CDH15: variants seen among roughly 807,000 people sequenced by gnomAD.
CDH15 encodes cadherin 15.
A neutral mutation model predicts 69.4 loss-of-function variants in CDH15; 73 were observed. That is an observed-to-expected ratio of 1.05 (90% CI 0.87 to 1.28). The LOEUF (loss-of-function observed/expected upper bound fraction) is 1.28, where lower values mean the gene tolerates loss of function less well. Ranked by LOEUF, CDH15 falls within the 50% of genes most tolerant of loss-of-function variation. The pLI, the probability that CDH15 is intolerant of heterozygous loss-of-function variation, is 0.00. For synonymous variants in CDH15, 624 were observed against 507.7 expected (o/e 1.23, Z -3.08); for missense variants, 1,343 against 1,133.6 (o/e 1.18, Z -2.65).
Position 89,191,908 on chromosome 16 carries a change from A to G in CDH15, c.1615+14A>G. The G allele has an allele frequency of 6.5e-7, 1 of 1,536,930 alleles. No individual in the cohort carries two copies. The highest frequency in any genetic ancestry group is 8.7e-7 in the Non-Finnish European group (1 of 1,147,240). ...GCCAGGTCAACGGTGCGCTCCCCTCACCGCCGCGCTCCCCCCATCCCCACG... is the reference window on the plus strand; with the variant it reads ...GCCAGGTCAACGGTGCGCTCCCCTCGCCGCCGCGCTCCCCCCATCCCCACG... On this transcript the variant is annotated intron_variant, in intron 10 of 13. Transcript: ENST00000289746.
chr16:89,183,917 G>A (rs181631413), intron 4 of CDH15, among the ~76,000 whole-genome samples: 570 of 152,230 alleles, frequency 3.7e-3, no homozygotes, highest in African/African-American at 0.013. Flanking sequence ...TTTTTCAGGG[G>A]TCTTGTTCTC....
intron 8 of CDH15, among the ~76,000 whole-genome samples, chr16:89,191,051 G>A (rs748869287): frequency 4.8e-5 from 7 of 146,488 alleles, no homozygotes; most frequent in Non-Finnish European, 1.1e-4. Context: ...GTGTATAGGT[G>A]TGTGGGGGGT....
chr16:89,181,769 C>G (rs1915381772), intron 3 of CDH15, among the ~76,000 whole-genome samples: 1 of 151,934 alleles, frequency 6.6e-6, no homozygotes, highest in Non-Finnish European at 1.5e-5. Context: ...GAAACCCCGT[C>G]TCTACTAAAA....
At chr16:89,183,280 A>C (rs1294428742) in intron 3 of CDH15, 3 of 487,132 alleles carry the variant, frequency 6.2e-6, no homozygotes, top group African/African-American at 3.9e-5. Context: ...GCCTTACTTT[A>C]GTCACACGTG....
Position 89,191,655 on chromosome 16 carries a change from C to T in CDH15, c.1376C>T (p.Ala459Val). 2 of 1,584,880 alleles carry T rather than the reference C, an allele frequency of 1.3e-6. No individual in the cohort carries two copies. The highest frequency in any genetic ancestry group is 1.7e-6 in the Non-Finnish European group (2 of 1,170,774). ...TAAGCCGCGGCCTCCTCGCCTGCAG[C>T]CTCCCAGCCCCGCACCGCCACCGGC... ...YRAIVLAQDD[A>V]SQPRTATGTL... is the part of the protein sequence containing the mutation. Residue 459 changes from alanine to valine, a missense_variant and splice_region_variant, in exon 10 of 14, where the codon GCC (alanine) becomes GTC (valine). Ala to Val is a moderately conservative substitution (Grantham distance 64). Coordinates refer to ENST00000289746, the MANE Select transcript of CDH15 (RefSeq NM_004933.3).
At chr16:89,179,938 C>G (rs1182232683) in intron 2 of CDH15, among the ~76,000 whole-genome samples, 1 of 152,206 alleles carries the variant, frequency 6.6e-6, no homozygotes, top group Non-Finnish European at 1.5e-5. Flanking sequence ...TTCACATACC[C>G]AAAATCGCCC....
chr16:89,192,292 C>G lies in CDH15; in HGVS notation c.1703C>G (p.Pro568Arg). Residue 568 changes from proline to arginine, a missense_variant, in exon 11 of 14, where the codon CCC (proline) becomes CGC (arginine). Transcript: ENST00000289746. ...SLLLRDSGQP[P>R]QQREQPLNVT... Reference sequence around the variant, plus strand: ...CTGCTCCGGGACTCGGGGCAGCCGCCCCAGCAGCGCGAGCAGCCTCTGAAC... The same window carrying G: ...CTGCTCCGGGACTCGGGGCAGCCGCGCCAGCAGCGCGAGCAGCCTCTGAAC... 1 of 1,532,382 alleles carries G rather than the reference C, an allele frequency of 6.5e-7. No homozygotes were observed. The highest frequency in any genetic ancestry group is 1.4e-5 in the African/African-American group (1 of 72,814). 94.9% of individuals were successfully genotyped at this position (1,532,382 alleles called of 1,614,324 possible). A position where few individuals can be genotyped will look rare whatever the true frequency, so the allele number is the denominator to read the frequency against.
intron 3 of CDH15, among the ~76,000 whole-genome samples, chr16:89,181,017 T>TG (rs1915367568): frequency 6.8e-6 from 1 of 146,390 alleles, no homozygotes; most frequent in African/African-American, 2.5e-5. Context: ...CCGCCCAGGC[T>TG]GGAGTGCAGT....
chr16:89,185,332 A>G lies in CDH15; in HGVS notation c.662A>G (p.Glu221Gly). The change falls in exon 5 of 14, where the codon GAG (glutamate) becomes GGG (glycine). Residue 221 changes from glutamate (E) to glycine (G), a missense_variant and splice_region_variant. By Grantham distance (98) the Glu-to-Gly change is moderately conservative. Transcript: ENST00000289746. Reference sequence around the variant, plus strand: ...ACAGTGCAAGTGGGGCTGGACCGCGAGGTGAGGTGGCGCCCCGGCAGCTCC... The same window carrying G: ...ACAGTGCAAGTGGGGCTGGACCGCGGGGTGAGGTGGCGCCCCGGCAGCTCC... ...IRTVQVGLDREVVAVYNLTLQ... is the reference protein window; with the variant it reads ...IRTVQVGLDRGVVAVYNLTLQ... 1 of 1,599,238 alleles carries G rather than the reference A, an allele frequency of 6.3e-7. No homozygotes were observed. The highest frequency in any genetic ancestry group is 8.5e-7 in the Non-Finnish European group (1 of 1,173,242).
intron 13 of CDH15, 70 bp from the exon 14 acceptor site, chr16:89,194,792 G>T: frequency 6.7e-7 from 1 of 1,484,110 alleles, no homozygotes; most frequent in Non-Finnish European, 9.2e-7. Context: ...TTTGCCCTGG[G>T]CTGTGGCCAC....
intron 1 of CDH15, among the ~76,000 whole-genome samples, chr16:89,172,848 T>C (rs941391480): frequency 6.6e-6 from 1 of 152,170 alleles, no homozygotes; most frequent in Non-Finnish European, 1.5e-5. Flanking sequence ...CGAGAGAGAA[T>C]GCACATAAAG....
In CDH15 at chr16:89,185,234, G is replaced by T; in HGVS notation, c.564G>T (p.Ala188=). ...DADDPETDNA[A]LRFSILQQGS... Reference sequence around the variant, plus strand: ...ACGACCCCGAGACGGACAACGCAGCGCTGCGGTTCTCCATCCTGCAGCAGG... The same window carrying T: ...ACGACCCCGAGACGGACAACGCAGCTCTGCGGTTCTCCATCCTGCAGCAGG... The change falls in exon 5 of 14, where the codon GCG becomes GCT. Residue 188 remains alanine (A), a synonymous_variant. Coordinates refer to ENST00000289746, the MANE Select transcript of CDH15 (RefSeq NM_004933.3). 1 of 1,605,694 alleles carries T rather than the reference G, an allele frequency of 6.2e-7. No individual in the cohort carries two copies. Among genetic ancestry groups the T allele is most frequent in the Non-Finnish European group, 8.5e-7 (1 of 1,176,580 alleles).
chr16:89,194,055 TG>T (rs1483411571), intron 13 of CDH15, 142 bp downstream of exon 13: 2 of 1,033,746 alleles, frequency 1.9e-6, no homozygotes, highest in Non-Finnish European at 2.8e-6. Context: ...CAGAGGAAGA[TG>T]GTGTGCGGGC....
chr16:89,188,500 C>T (rs1259047295), intron 7 of CDH15, among the ~76,000 whole-genome samples: 1 of 141,618 alleles, frequency 7.1e-6, no homozygotes, highest in African/African-American at 2.7e-5. Context: ...ACACAGATGC[C>T]GGCACACACA....
chr16:89,190,753 C>T (rs1915619677), intron 8 of CDH15, among the ~76,000 whole-genome samples: 1 of 152,148 alleles, frequency 6.6e-6, no homozygotes, highest in South Asian at 2.1e-4. Flanking sequence ...TCCCAGGAGG[C>T]CCTTGCTCCC....
chr16:89,190,545 T>C, intron 8 of CDH15, 49 bp downstream of exon 8: 2 of 1,556,362 alleles, frequency 1.3e-6, no homozygotes, highest in South Asian at 1.2e-5. Flanking sequence ...AACGGCCCCA[T>C]TCCTGCTTCG....
chr16:89,186,937 C>T (rs1055775451), intron 5 of CDH15, among the ~76,000 whole-genome samples: 3 of 149,364 alleles, frequency 2.0e-5, no homozygotes, highest in Admixed American at 1.3e-4. Context: ...ACCCAGCACA[C>T]AGTAGGTGCT....
At chr16:89,187,177 C>T (rs1161955677) in intron 5 of CDH15, among the ~76,000 whole-genome samples, 2 of 152,246 alleles carry the variant, frequency 1.3e-5, no homozygotes, top group Non-Finnish European at 2.9e-5. Context: ...ACAGTAGGTG[C>T]TCTGTAAACG....
rs2151602127 is a variant in CDH15 at position 89,187,573 on chromosome 16, C to G, written c.792+16C>G. ...CAGGGATGAGGTGCTGCTGCTGTCCCTCCCTCGAAAGTAGCCCCTGCTTAG... is the reference window on the plus strand; with the variant it reads ...CAGGGATGAGGTGCTGCTGCTGTCCGTCCCTCGAAAGTAGCCCCTGCTTAG... On this transcript the variant is annotated intron_variant, in intron 6 of 13. Transcript: ENST00000289746. The G allele has an allele frequency of 6.2e-7, 1 of 1,613,192 alleles. No homozygotes were observed.
Sources: gnomAD v4.1 joint callset for allele counts (sites outside exome capture counted in the v4.1 genomes callset) on GRCh38, gnomAD v4.1.1 for gene constraint, MANE v1.5 for transcripts, NCBI Gene and HGNC (gene_info 2026-07-23, HGNC 2026-07-21) for gene names.